PAPPA: variants seen among roughly 807,000 people sequenced by gnomAD.
PAPPA encodes pappalysin 1.
PAPPA carries 60 observed loss-of-function variants against 164.0 expected under a neutral mutation model. The ratio of observed to expected loss-of-function variants is 0.37; its 90% CI spans 0.30 to 0.45. The LOEUF (loss-of-function observed/expected upper bound fraction) is 0.45. Ranked by LOEUF, PAPPA falls within the 20% of genes least tolerant of loss-of-function variation. The probability of loss-of-function intolerance (pLI) is 1.00; values close to 1 mark genes in which losing one functional copy is unlikely to be tolerated. For missense variants in PAPPA, 1,782 were observed against 2,087.3 expected (o/e 0.85, Z 2.85); for synonymous variants, 875 against 814.1 (o/e 1.07, Z -1.27).
intron 2 of PAPPA, among the ~76,000 whole-genome samples, chr9:116,195,792 A>G (rs778900158): frequency 2.6e-4 from 39 of 152,158 alleles, no homozygotes; most frequent in Non-Finnish European, 5.0e-4. Context: ...CCTCACTACA[A>G]TCTCAGTGCG....
rs1184264833 is a variant in PAPPA at position 116,154,339 on chromosome 9, G to A, written c.167G>A (p.Arg56His). The stretch of plus-strand genomic sequence containing the variant: ...GCCACCCGGGCGGCCCGCGGCCGCC[G>A]CGCCTCGCCGCCGCCGCCGCCGCCG... The part of the protein sequence containing the change: ...TCATRAARGR[R>H]ASPPPPPPPG... Residue 56 changes from arginine (R) to histidine (H), a missense_variant, in exon 1 of 22, where the codon CGC (arginine) becomes CAC (histidine). Around this residue, in one of 2 missense-constraint regions of PAPPA, gnomAD observed 458 missense variants for 430.3 expected, o/e 1.06. Coordinates refer to ENST00000328252, the MANE Select transcript of PAPPA (RefSeq NM_002581.5). This position sits in a 1 kb window ranked among gnomAD's most constrained non-coding sequence, Gnocchi z 5.2. 1 of 823,262 alleles carries A rather than the reference G, an allele frequency of 1.2e-6. No homozygotes were observed. The highest frequency in any genetic ancestry group is 1.5e-6 in the Non-Finnish European group (1 of 688,276). The allele number at this position is 823,262 out of a possible 1,614,324, so 51.0% of individuals were successfully genotyped here.
chr9:116,213,951 C>T (rs73525843), intron 4 of PAPPA, among the ~76,000 whole-genome samples: 3,122 of 152,286 alleles, frequency 0.021, 110 homozygotes, highest in African/African-American at 0.071. Context: ...GGAGCTCTCT[C>T]CATCAAGATA....
At chr9:116,264,537 G>GA (rs1185224483) in intron 7 of PAPPA, among the ~76,000 whole-genome samples, 3 of 152,164 alleles carry the variant, frequency 2.0e-5, no homozygotes, top group Non-Finnish European at 4.4e-5. Context: ...AGAGTCTGAA[G>GA]ACATTCTCTG....
In PAPPA at chr9:116,396,580, C is replaced by T. The variant is rs1273752455; in HGVS notation, c.4848C>T (p.His1616=). Residue 1616 remains histidine, a synonymous_variant, in exon 22 of 22, where the codon CAC becomes CAT. Transcript: ENST00000328252. The stretch of plus-strand genomic sequence containing the variant: ...GTCGGGACCCCCAGGCCCAAGAACA[C>T]AGCCGGAAAGACCTCCGGGGATACA... ...CACRDPQAQE[H]SRKDLRGYSH... is the part of the protein sequence containing the mutation. 3 of 780,724 alleles carry T rather than the reference C, an allele frequency of 3.8e-6. No homozygotes were observed. Among genetic ancestry groups the T allele is most frequent in the Non-Finnish European group, 7.2e-6 (3 of 418,006 alleles). The allele number at this position is 780,724 out of a possible 1,614,324, so 48.4% of individuals were successfully genotyped here.
intron 17 of PAPPA, among the ~76,000 whole-genome samples, chr9:116,355,856 G>T (rs372009960): frequency 1.3e-5 from 2 of 152,158 alleles, no homozygotes; most frequent in Non-Finnish European, 2.9e-5. Context: ...GAGGGTGTGC[G>T]TGCCAAATGG....
intron 9 of PAPPA, among the ~76,000 whole-genome samples, chr9:116,291,295 A>C (rs937121920): frequency 1.3e-5 from 2 of 152,174 alleles, no homozygotes; most frequent in African/African-American, 4.8e-5. Context: ...AGGATAGAAA[A>C]TAAAACAATA....
chr9:116,159,779 C>G (rs1564170071), intron 1 of PAPPA, among the ~76,000 whole-genome samples: 1 of 152,158 alleles, frequency 6.6e-6, no homozygotes, highest in Non-Finnish European at 1.5e-5. Flanking sequence ...AAATCAAGGT[C>G]CAGAGATATG....
intron 1 of PAPPA, among the ~76,000 whole-genome samples, chr9:116,155,644 TCA>T (rs1347257482): frequency 6.6e-6 from 1 of 152,114 alleles, no homozygotes; most frequent in South Asian, 2.1e-4. Context: ...TCCCACCCCC[TCA>T]CACACACACT....
chr9:116,260,523 T>G (rs13298102), intron 7 of PAPPA, among the ~76,000 whole-genome samples: 27,786 of 152,022 alleles, frequency 0.18, 2,668 homozygotes, highest in Middle Eastern at 0.31. Context: ...TGAGCCAAAG[T>G]CATCCTAGGT....
At position 116,154,851 on chromosome 9, in the gene PAPPA, A is replaced by G. The variant is rs1216858511; in HGVS notation, c.415+264A>G. On this transcript the variant is annotated intron_variant, in intron 1 of 21. Coordinates refer to ENST00000328252, the MANE Select transcript of PAPPA (RefSeq NM_002581.5). The surrounding 1 kb of genome is among the most constrained non-coding windows in gnomAD (Gnocchi z 5.2). Reference sequence around the variant, plus strand: ...CTGGCGGCCCCGCGGACCCTCGGCCAGTGAGGGCTGGTTCCCGGAGCCTAG... The same window carrying G: ...CTGGCGGCCCCGCGGACCCTCGGCCGGTGAGGGCTGGTTCCCGGAGCCTAG... 1.3e-5 allele frequency among the ~76,000 whole-genome samples: 2 copies of G among 152,220 alleles called. No homozygotes were observed. The highest frequency in any genetic ancestry group is 4.8e-5 in the African/African-American group (2 of 41,480).
At chr9:116,202,697 T>C (rs1446323594) in intron 2 of PAPPA, among the ~76,000 whole-genome samples, 3 of 152,162 alleles carry the variant, frequency 2.0e-5, no homozygotes, top group African/African-American at 7.2e-5. Context: ...TGTTTGGTTT[T>C]TGGCAAAGGT....
At chr9:116,370,603 T>C (rs1019196593) in intron 19 of PAPPA, among the ~76,000 whole-genome samples, 11 of 152,248 alleles carry the variant, frequency 7.2e-5, no homozygotes, top group Non-Finnish European at 1.6e-4. Flanking sequence ...GGTTTCCAGG[T>C]TGCTGTCACT....
chr9:116,245,137 A>G (rs998046408), intron 7 of PAPPA, among the ~76,000 whole-genome samples: 1 of 151,328 alleles, frequency 6.6e-6, no homozygotes, highest in African/African-American at 2.4e-5. Context: ...ATGGAGTGAC[A>G]GACAATATGG....
chr9:116,282,622 C>T (rs112225245), intron 9 of PAPPA, among the ~76,000 whole-genome samples: 4 of 152,218 alleles, frequency 2.6e-5, no homozygotes, highest in Admixed American at 6.5e-5. Context: ...AGAGATGTTA[C>T]GTTCCCAGTA....
chr9:116,386,171 G>T (rs968619531), intron 21 of PAPPA, among the ~76,000 whole-genome samples: 6 of 152,122 alleles, frequency 3.9e-5, no homozygotes, highest in African/African-American at 1.4e-4. Flanking sequence ...TTTCAGTTGT[G>T]GACAGGTGTT....
In PAPPA at chr9:116,353,634, G is replaced by T; in HGVS notation, c.4188G>T (p.Lys1396Asn). 2.5e-6 allele frequency: 4 copies of T among 1,613,946 alleles called. No homozygotes were observed. The highest frequency in any genetic ancestry group is 3.4e-6 in the Non-Finnish European group (4 of 1,179,954). The part of the protein sequence containing the change: ...SSRKSKKRAF[K>N]TQCTQDGSWQ... Reference sequence around the variant, plus strand: ...CCTTTCCTTGAAGACGGGCCTTCAAGACTCAGTGTACCCAGGATGGCAGCT... The same window carrying T: ...CCTTTCCTTGAAGACGGGCCTTCAATACTCAGTGTACCCAGGATGGCAGCT... The change falls in exon 17 of 22, where the codon AAG becomes AAT. Residue 1396 changes from lysine to asparagine, a missense_variant. Coordinates refer to ENST00000328252, the MANE Select transcript of PAPPA (RefSeq NM_002581.5).
intron 20 of PAPPA, 99 bp downstream of exon 20, chr9:116,377,746 C>T: frequency 2.3e-6 from 2 of 863,372 alleles, no homozygotes; most frequent in Non-Finnish European, 3.8e-6. Flanking sequence ...GCCATACCTA[C>T]TGAGTGTTGA....
At chr9:116,168,358 T>G (rs534628799) in intron 1 of PAPPA, among the ~76,000 whole-genome samples, 4 of 152,182 alleles carry the variant, frequency 2.6e-5, no homozygotes, top group Non-Finnish European at 5.9e-5. Flanking sequence ...TTCCATGCCT[T>G]GAGGAACTCC....
At chr9:116,173,822 G>C (rs1296205957) in intron 1 of PAPPA, among the ~76,000 whole-genome samples, 2 of 152,284 alleles carry the variant, frequency 1.3e-5, no homozygotes, top group African/African-American at 2.4e-5. Flanking sequence ...TCAGAATCAA[G>C]TAGTCTTTCT....
Sources: gnomAD v4.1 joint callset for allele counts (sites outside exome capture counted in the v4.1 genomes callset) on GRCh38, gnomAD v4.1.1 for gene constraint, gnomAD v4.1.1 regional missense constraint, Gnocchi (gnomAD v3.1) non-coding constraint, MANE v1.5 for transcripts, NCBI Gene and HGNC (gene_info 2026-07-23, HGNC 2026-07-21) for gene names.